PLSCR1: variants seen among roughly 807,000 people sequenced by gnomAD.
PLSCR1 encodes PL scramblase 1.
In PLSCR1, 17 loss-of-function variants were observed where a neutral mutation model predicts 37.8. That is an observed-to-expected ratio of 0.45 (90% CI 0.31 to 0.68). The LOEUF (loss-of-function observed/expected upper bound fraction) is 0.68. PLSCR1 is among the 30% of genes least tolerant of loss of function. PLSCR1 has a pLI of 0.06. For synonymous variants in PLSCR1, 116 were observed against 125.9 expected (o/e 0.92, Z 0.53); for missense variants, 347 against 380.9 (o/e 0.91, Z 0.74).
chr3:146,523,446 A>C (rs1038872799), intron 5 of PLSCR1, among the ~76,000 whole-genome samples: 6 of 152,120 alleles, frequency 3.9e-5, no homozygotes, highest in Non-Finnish European at 8.8e-5. Context: ...TTTTATATTA[A>C]ATCAATTGGT....
intron 1 of PLSCR1, chr3:146,541,132 A>G (rs927237053): frequency 6.6e-6 from 1 of 152,166 alleles, no homozygotes; most frequent in Non-Finnish European, 1.5e-5. Context: ...AATGCAAAGT[A>G]CCTTGTAACA....
chr3:146,534,344 T>G (rs2044237845), intron 2 of PLSCR1, among the ~76,000 whole-genome samples: 1 of 144,830 alleles, frequency 6.9e-6, no homozygotes, highest in Non-Finnish European at 1.5e-5. Context: ...CAGTAGACAC[T>G]ACACTTATCT....
rs569237935 is a variant in PLSCR1, at chr3:146,521,338, C to CT, written c.738+205dup. Among the ~76,000 whole-genome samples, 55 of 152,092 alleles carry CT rather than the reference C, an allele frequency of 3.6e-4. 1 individual carries two copies. The South Asian group carries it at 0.011, about 30-fold the overall frequency. Reference sequence around the variant, plus strand: ...TTTATTTGACTACATAGGTCTGCTTCTTTTTTTTCCATTTCTCATGACCAA... The same window carrying CT: ...TTTATTTGACTACATAGGTCTGCTTCTTTTTTTTTCCATTTCTCATGACCAA... On this transcript the variant is annotated intron_variant, in intron 7 of 8. Transcript: ENST00000342435.
At chr3:146,523,089 C>T (rs375045840) in intron 5 of PLSCR1, among the ~76,000 whole-genome samples, 26 of 152,014 alleles carry the variant, frequency 1.7e-4, no homozygotes, top group South Asian at 1.7e-3. Context: ...GGTGCTGGCG[C>T]GGGTCCTCCG....
chr3:146,517,998 T>C (rs2043969937), intron 7 of PLSCR1, among the ~76,000 whole-genome samples: 1 of 152,242 alleles, frequency 6.6e-6, no homozygotes, highest in Non-Finnish European at 1.5e-5. Context: ...AATCTAAAAA[T>C]ACTTGACTCA....
intron 3 of PLSCR1, among the ~76,000 whole-genome samples, chr3:146,531,626 C>T (rs1177449043): frequency 6.6e-6 from 1 of 152,146 alleles, no homozygotes; most frequent in South Asian, 2.1e-4. Context: ...TATGTAAAGA[C>T]TAATTGATTT....
intron 7 of PLSCR1, among the ~76,000 whole-genome samples, chr3:146,518,515 T>G (rs534426064): frequency 6.6e-6 from 1 of 152,324 alleles, no homozygotes; most frequent in East Asian, 1.9e-4. Flanking sequence ...CATGTTAGTA[T>G]TTTTCTGCTA....
intron 5 of PLSCR1, 165 bp downstream of exon 5, chr3:146,525,440 A>T: frequency 5.4e-6 from 3 of 551,264 alleles, no homozygotes. Flanking sequence ...TTACCTTTTG[A>T]TTCCTAAATT....
At chr3:146,530,806 A>G (rs1418676669) in intron 3 of PLSCR1, among the ~76,000 whole-genome samples, 2 of 152,216 alleles carry the variant, frequency 1.3e-5, no homozygotes, top group Non-Finnish European at 2.9e-5. Flanking sequence ...TTTGGTTCCA[A>G]TTATGATTGG....
chr3:146,529,285 G>A (rs912754814), intron 3 of PLSCR1, among the ~76,000 whole-genome samples: 14 of 152,106 alleles, frequency 9.2e-5, no homozygotes, highest in Admixed American at 5.2e-4. Flanking sequence ...TATATGTATA[G>A]AACTGGGGGT....
chr3:146,515,910 T>C lies in PLSCR1; in HGVS notation c.*135A>G, dbSNP rs1159025961. 1.1e-5 allele frequency: 6 copies of C among 559,452 alleles called. No individual in the cohort carries two copies. Among genetic ancestry groups the C allele is most frequent in the African/African-American group, 7.9e-5 (4 of 50,824 alleles). 34.7% of individuals were successfully genotyped at this position (559,452 alleles called of 1,614,324 possible). On this transcript the variant is annotated 3_prime_UTR_variant, in exon 9 of 9. Coordinates refer to ENST00000342435, the MANE Select transcript of PLSCR1 (RefSeq NM_021105.3). ...CTTTATAAATCAGTTATACAGAAGA[T>C]AAACTATAATTTGAAAAGCAAAAGT...
intron 1 of PLSCR1, among the ~76,000 whole-genome samples, chr3:146,539,950 T>C (rs866573307): frequency 6.6e-6 from 1 of 152,196 alleles, no homozygotes. Context: ...TTTGCTGTTA[T>C]AATGATCCTT....
chr3:146,528,799 G>T lies in PLSCR1; in HGVS notation c.127C>A (p.Gln43Lys). 2 of 1,613,686 alleles carry T rather than the reference G, an allele frequency of 1.2e-6. No individual in the cohort carries two copies. Among genetic ancestry groups the T allele is most frequent in the Admixed American group, 1.7e-5 (1 of 60,028 alleles). Reference protein sequence around the residue: ...PPGYSGYPGPQVSYPPPPAGH... With the variant: ...PPGYSGYPGPKVSYPPPPAGH... ...GCTGGTGGGGGTGGGTAGCTGACCT[G>T]GGGCCCAGGGTAGCCACTATATCCT... is the stretch of plus-strand genomic sequence containing the variant. Residue 43 changes from glutamine to lysine, a missense_variant, in exon 4 of 9, where the codon CAG (glutamine) becomes AAG (lysine). Gln to Lys is a moderately conservative substitution (Grantham distance 53, BLOSUM62 1). Coordinates refer to ENST00000342435, the MANE Select transcript of PLSCR1 (RefSeq NM_021105.3).
Position 146,517,045 on chromosome 3 carries a change from AAC to A in PLSCR1, c.859_860del (p.Val287Ter), listed in dbSNP as rs760017588. On this transcript the variant is annotated frameshift_variant, in exon 8 of 9. Transcript: ENST00000342435. LOFTEE classifies it low-confidence loss of function (END_TRUNC). ...CACCAATCATTACAGCTTTCATTTT[AAC>A]ATCAAGGTCTAAAGGGAACTGGATT... The part of the protein sequence containing the change: ...FGIQFPLDLD[V>X]KMKAVMIGAC... 1.9e-6 allele frequency: 3 copies of A among 1,599,596 alleles called. No homozygotes were observed. Among genetic ancestry groups the A allele is most frequent in the Non-Finnish European group, 2.6e-6 (3 of 1,173,666 alleles).
chr3:146,517,099 C>T lies in PLSCR1; in HGVS notation c.807G>A (p.Glu269=). 6.2e-7 allele frequency: 1 copy of T among 1,600,766 alleles called. No homozygotes were observed. The highest frequency in any genetic ancestry group is 1.1e-5 in the South Asian group (1 of 89,398). The change falls in exon 8 of 9, where the codon GAG becomes GAA. Residue 269 remains glutamate, a synonymous_variant. Transcript: ENST00000342435. ...ISKHWTGILR[E]AFTDADNFGI... is the part of the protein sequence containing the mutation. ...CAAAGTTATCAGCGTCTGTAAATGC[C>T]TCTCTCAAAATTCCAGTCCAGTGCT...
chr3:146,537,345 TC>T (rs1160224138), intron 1 of PLSCR1, among the ~76,000 whole-genome samples: 1 of 152,150 alleles, frequency 6.6e-6, no homozygotes, highest in Non-Finnish European at 1.5e-5. Context: ...ATGCCCTTCA[TC>T]CCTTTTAGCG....
At chr3:146,535,080 G>T (rs763844058) in intron 2 of PLSCR1, among the ~76,000 whole-genome samples, 7 of 151,878 alleles carry the variant, frequency 4.6e-5, no homozygotes, top group Admixed American at 2.0e-4. Context: ...AGCTAATAAG[G>T]CCCTGCCTGC....
At chr3:146,521,004 A>T (rs934062924) in intron 7 of PLSCR1, among the ~76,000 whole-genome samples, 1 of 152,170 alleles carries the variant, frequency 6.6e-6, no homozygotes, top group Non-Finnish European at 1.5e-5. Flanking sequence ...AATATGTTGC[A>T]GCTTCTAGTG....
chr3:146,537,105 C>T (rs148916642), intron 1 of PLSCR1, among the ~76,000 whole-genome samples: 9 of 149,726 alleles, frequency 6.0e-5, no homozygotes, highest in Non-Finnish European at 8.9e-5. Context: ...GAGACGACTC[C>T]GTGCATTCAG....
Sources: allele counts gnomAD v4.1 joint callset (sites outside exome capture counted in the v4.1 genomes callset), GRCh38; gene constraint gnomAD v4.1.1; transcripts MANE v1.5; gene names NCBI Gene and HGNC (gene_info 2026-07-23, HGNC 2026-07-21).